Variants in SLC35F3 observed in about 807,000 individuals in gnomAD.
The protein encoded by SLC35F3 is putative thiamine transporter SLC35F3.
In SLC35F3, 25 loss-of-function variants were observed where a neutral mutation model predicts 49.9. The observed-to-expected ratio is 0.50, with a 90% CI of 0.37 to 0.70. The LOEUF is 0.70. Ranked by LOEUF, SLC35F3 falls within the 30% of genes least tolerant of loss-of-function variation. The probability of loss-of-function intolerance (pLI) is 0.00; values close to 1 mark genes in which losing one functional copy is unlikely to be tolerated. For synonymous variants in SLC35F3, 275 were observed against 265.4 expected (o/e 1.04, Z -0.35); for missense variants, 525 against 639.8 (o/e 0.82, Z 1.94).
intron 2 of SLC35F3, among the ~76,000 whole-genome samples, chr1:234,041,854 T>G (rs1664226703): frequency 6.6e-6 from 1 of 152,074 alleles, no homozygotes; most frequent in Non-Finnish European, 1.5e-5. Flanking sequence ...CTTAGATGGG[T>G]GGATGATGGG....
intron 2 of SLC35F3, among the ~76,000 whole-genome samples, chr1:234,073,943 T>C (rs1182814993): frequency 1.3e-5 from 2 of 152,210 alleles, no homozygotes; most frequent in African/African-American, 4.8e-5. Context: ...TGTCTTTATA[T>C]TGTGTATCAT....
chr1:234,312,376 A>T (rs1657377801), intron 4 of SLC35F3, among the ~76,000 whole-genome samples: 1 of 152,224 alleles, frequency 6.6e-6, no homozygotes, highest in African/African-American at 2.4e-5. Context: ...CCTGGGGATC[A>T]TGGACCTTTT....
At chr1:234,288,457 C>T (rs1030635240) in intron 3 of SLC35F3, among the ~76,000 whole-genome samples, 3 of 152,164 alleles carry the variant, frequency 2.0e-5, no homozygotes, top group African/African-American at 7.2e-5. Flanking sequence ...TCAGACTAGT[C>T]GCTGTGTCCA....
chr1:233,960,081 T>C (rs1373734961), intron 2 of SLC35F3, among the ~76,000 whole-genome samples: 3 of 152,310 alleles, frequency 2.0e-5, no homozygotes, highest in South Asian at 4.1e-4. Flanking sequence ...CTGAGCAAGA[T>C]TGTTGCAATC....
At chr1:234,296,789 T>G (rs559580999) in intron 3 of SLC35F3, among the ~76,000 whole-genome samples, 3 of 152,336 alleles carry the variant, frequency 2.0e-5, no homozygotes, top group Non-Finnish European at 4.4e-5. Context: ...AAACTCCTAG[T>G]TAGTGAGACA....
At chr1:234,153,898 C>T (rs561461033) in intron 2 of SLC35F3, among the ~76,000 whole-genome samples, 6 of 151,072 alleles carry the variant, frequency 4.0e-5, no homozygotes, top group African/African-American at 1.5e-4. Context: ...CCCGTCTCTA[C>T]TAAAAATACA....
intron 2 of SLC35F3, among the ~76,000 whole-genome samples, chr1:233,996,761 G>T (rs1427872466): frequency 2.0e-5 from 3 of 152,150 alleles, no homozygotes; most frequent in Non-Finnish European, 4.4e-5. Flanking sequence ...GCACTTATTT[G>T]CACTCTCTCA....
chr1:234,124,476 A>T (rs750377718), intron 2 of SLC35F3, among the ~76,000 whole-genome samples: 4 of 152,222 alleles, frequency 2.6e-5, no homozygotes, highest in African/African-American at 4.8e-5. Context: ...CTAGGGGCTG[A>T]AATAAATTAT....
chr1:234,275,909 G>C (rs989546699), intron 3 of SLC35F3, among the ~76,000 whole-genome samples: 2 of 151,964 alleles, frequency 1.3e-5, no homozygotes, highest in Non-Finnish European at 1.5e-5. Context: ...AGTAGAGTAG[G>C]TACCTTTATT....
intron 3 of SLC35F3, among the ~76,000 whole-genome samples, chr1:234,299,253 T>C (rs1048836698): frequency 3.9e-5 from 6 of 152,146 alleles, no homozygotes; most frequent in Admixed American, 6.5e-5. Context: ...AGGCAAAGAC[T>C]TTAGTAGTCT....
intron 3 of SLC35F3, among the ~76,000 whole-genome samples, chr1:234,267,610 TG>T (rs1339638823): frequency 7.0e-5 from 10 of 142,654 alleles, no homozygotes; most frequent in African/African-American, 2.4e-4. Context: ...ACCTCCTGGA[TG>T]GGGCGGCTGG....
rs1661738369 is a variant in SLC35F3 at position 233,904,680 on chromosome 1, C to T, written c.-398C>T. On this transcript the variant is annotated 5_prime_UTR_variant, in exon 1 of 8. Coordinates refer to ENST00000366618, the MANE Select transcript of SLC35F3 (RefSeq NM_173508.4). ...CGCCTGGCCCCTGTGCGCCCCGACC[C>T]GACGCCTCCCCGCCCGACCAGGTGC... 6.6e-6 allele frequency among the ~76,000 whole-genome samples: 1 copy of T among 151,822 alleles called. No homozygotes were observed. The highest frequency in any genetic ancestry group is 2.1e-4 in the South Asian group (1 of 4,834).
intron 3 of SLC35F3, among the ~76,000 whole-genome samples, chr1:234,305,383 C>CT (rs60208203): frequency 1.5e-3 from 185 of 124,268 alleles, no homozygotes; most frequent in Middle Eastern, 4.5e-3. Context: ...AGCAGTATTG[C>CT]TTTTTTTTTT....
intron 2 of SLC35F3, among the ~76,000 whole-genome samples, chr1:233,925,056 T>C (rs1662133390): frequency 6.6e-6 from 1 of 152,226 alleles, no homozygotes; most frequent in Non-Finnish European, 1.5e-5. Context: ...CTTCCAACTA[T>C]GTGGTCAATT....
intron 3 of SLC35F3, among the ~76,000 whole-genome samples, chr1:234,267,466 C>T (rs1293060050): frequency 1.4e-5 from 2 of 146,530 alleles, no homozygotes; most frequent in Non-Finnish European, 1.5e-5. Context: ...CGGGCAGAAG[C>T]GCCCCTCACC....
At chr1:234,108,681 TTTTTATATATAAAATATATA>T (rs1665341025) in intron 2 of SLC35F3, among the ~76,000 whole-genome samples, 6 of 120,368 alleles carry the variant, frequency 5.0e-5, no homozygotes, top group African/African-American at 1.8e-4. Context: ...GATATATATA[TTTTTATATATAAAATATATA>T]TTATATATAT....
At chr1:233,966,265 A>T (rs1466347255) in intron 2 of SLC35F3, among the ~76,000 whole-genome samples, 8 of 152,234 alleles carry the variant, frequency 5.3e-5, no homozygotes. Flanking sequence ...TTTCAATAAG[A>T]GGTGACGGGT....
chr1:234,018,649 C>T (rs1162423597), intron 2 of SLC35F3, among the ~76,000 whole-genome samples: 5 of 152,196 alleles, frequency 3.3e-5, no homozygotes, highest in African/African-American at 9.7e-5. Flanking sequence ...CTCATGAACA[C>T]ACTGCTGAAT....
At chr1:233,928,896 CATGGCT>C (rs1413637675) in intron 2 of SLC35F3, among the ~76,000 whole-genome samples, 1 of 152,092 alleles carries the variant, frequency 6.6e-6, no homozygotes, top group Non-Finnish European at 1.5e-5. Context: ...TGTATTGAAA[CATGGCT>C]ATGCACTCCA....
Sources: allele counts gnomAD v4.1 joint callset (sites outside exome capture counted in the v4.1 genomes callset), GRCh38; gene constraint gnomAD v4.1.1; transcripts MANE v1.5; gene names NCBI Gene and HGNC (gene_info 2026-07-23, HGNC 2026-07-21).